The following CNTN6 variants were observed in gnomAD, a reference collection of about 807,000 sequenced individuals.
CNTN6 encodes contactin 6, also known as contactin-6.
In CNTN6, 137 loss-of-function variants were observed where a neutral mutation model predicts 122.8. That is an observed-to-expected ratio of 1.12 (90% CI 0.97 to 1.29). The LOEUF is 1.29. CNTN6 is among the 50% of genes most tolerant of loss of function. CNTN6 has a pLI of 0.00. For missense variants in CNTN6, 1,634 were observed against 1,223.4 expected (o/e 1.34, Z -5.01); for synonymous variants, 570 against 426.0 (o/e 1.34, Z -4.16).
intron 7 of CNTN6, among the ~76,000 whole-genome samples, chr3:1,299,396 T>G (rs1696823595): frequency 6.6e-6 from 1 of 152,156 alleles, no homozygotes; most frequent in Non-Finnish European, 1.5e-5. Context: ...AATAGCTTAT[T>G]TAATCATATT....
chr3:1,177,588 C>T (rs1469444378), intron 2 of CNTN6, among the ~76,000 whole-genome samples: 1 of 152,044 alleles, frequency 6.6e-6, no homozygotes, highest in Admixed American at 6.6e-5. Flanking sequence ...ACAATGTAAT[C>T]TCTGAATTTT....
chr3:1,142,085 G>A (rs1393752845), intron 1 of CNTN6, among the ~76,000 whole-genome samples: 2 of 152,026 alleles, frequency 1.3e-5, no homozygotes, highest in African/African-American at 4.8e-5. Flanking sequence ...GAATTTTCCT[G>A]ATGCCTGAGG....
intron 2 of CNTN6, among the ~76,000 whole-genome samples, chr3:1,176,867 C>A (rs2093460665): frequency 6.6e-6 from 1 of 152,084 alleles, no homozygotes. Flanking sequence ...CTCTAAATAT[C>A]ACTCCACAGA....
At chr3:1,114,735 T>G (rs74941923) in intron 1 of CNTN6, among the ~76,000 whole-genome samples, 1 of 151,900 alleles carries the variant, frequency 6.6e-6, no homozygotes, top group Non-Finnish European at 1.5e-5. Flanking sequence ...AGCAAAGACA[T>G]TTTTTTTGCT....
At chr3:1,195,560 A>G (rs181748455) in intron 2 of CNTN6, among the ~76,000 whole-genome samples, 3 of 152,180 alleles carry the variant, frequency 2.0e-5, no homozygotes, top group Admixed American at 1.3e-4. Context: ...TTTTACTTTT[A>G]CTTTTCTTTT....
At chr3:1,111,712 A>G (rs956960792) in intron 1 of CNTN6, among the ~76,000 whole-genome samples, 1 of 152,144 alleles carries the variant, frequency 6.6e-6, no homozygotes, top group African/African-American at 2.4e-5. Flanking sequence ...TATTTCTTTC[A>G]ATATCATATA....
chr3:1,403,493 C>A lies in CNTN6; in HGVS notation c.*75C>A. On this transcript the variant is annotated 3_prime_UTR_variant, in exon 23 of 23. Transcript: ENST00000446702. The stretch of plus-strand genomic sequence containing the variant: ...TATATATGCTCTCCAGCCTCTGACA[C>A]AAGATGCGTTCTTAATACAGACTTG... 4 of 842,634 alleles carry A rather than the reference C, an allele frequency of 4.7e-6. No homozygotes were observed. The highest frequency in any genetic ancestry group is 1.7e-5 in the South Asian group (1 of 60,510). 52.2% of individuals were successfully genotyped at this position (842,634 alleles called of 1,614,324 possible). A position where few individuals can be genotyped will look rare whatever the true frequency, so the allele number is the denominator to read the frequency against.
At chr3:1,103,858 A>G (rs902003496) in intron 1 of CNTN6, among the ~76,000 whole-genome samples, 1 of 152,164 alleles carries the variant, frequency 6.6e-6, no homozygotes, top group Non-Finnish European at 1.5e-5. Context: ...GTCTTTGAGT[A>G]TTAGCCCCCG....
At chr3:1,332,513 A>AGGAAGGAGGGAG (rs1702442597) in intron 11 of CNTN6, among the ~76,000 whole-genome samples, 2 of 109,266 alleles carry the variant, frequency 1.8e-5, no homozygotes, top group Non-Finnish European at 3.7e-5. Context: ...GAAGGAAGGA[A>AGGAAGGAGGGAG]GGAAGGAAGG....
At chr3:1,316,676 TTC>T (rs1183522714) in intron 7 of CNTN6, among the ~76,000 whole-genome samples, 1 of 151,938 alleles carries the variant, frequency 6.6e-6, no homozygotes, top group Non-Finnish European at 1.5e-5. Flanking sequence ...AGAGCCACAT[TTC>T]TCTCTTTACT....
chr3:1,376,756 T>C (rs1396850795), intron 16 of CNTN6, among the ~76,000 whole-genome samples: 2 of 152,160 alleles, frequency 1.3e-5, no homozygotes, highest in African/African-American at 4.8e-5. Flanking sequence ...CATAATGATG[T>C]CAAATACCCG....
intron 1 of CNTN6, 67 bp downstream of exon 1, chr3:1,093,187 G>A (rs1271584388): frequency 4.9e-6 from 1 of 202,352 alleles, no homozygotes; most frequent in Non-Finnish European, 1.0e-5. Flanking sequence ...GCAAGCTGCA[G>A]CTTTTCTTCC....
intron 12 of CNTN6, among the ~76,000 whole-genome samples, chr3:1,364,746 G>A (rs961321481): frequency 6.6e-5 from 10 of 151,834 alleles, no homozygotes; most frequent in African/African-American, 1.4e-4. Context: ...TGGGGTCCCC[G>A]TAACTAAAAT....
rs1284311692 is a variant in CNTN6, at chr3:1,245,227, T to C, written c.358+17234T>C. Among the ~76,000 whole-genome samples, 69 of 12,502 alleles carry C rather than the reference T, an allele frequency of 5.5e-3. 1 individual carries two copies. Among genetic ancestry groups the C allele is most frequent in the South Asian group, 8.1e-3 (3 of 370 alleles). 8.2% of individuals were successfully genotyped at this position (12,502 alleles called of 152,430 possible). On this transcript the variant is annotated intron_variant, in intron 4 of 22. Coordinates refer to ENST00000446702, the MANE Select transcript of CNTN6 (RefSeq NM_001289080.2). ...ATATATATATATATATATATATATA[T>C]ATATATATACACACACACATATATA...
intron 1 of CNTN6, among the ~76,000 whole-genome samples, chr3:1,106,081 T>C (rs1408567383): frequency 6.6e-6 from 1 of 152,146 alleles, no homozygotes; most frequent in Non-Finnish European, 1.5e-5. Context: ...GGAGGTAATC[T>C]ATATTGTGGG....
At chr3:1,288,922 T>C (rs1575568841) in intron 5 of CNTN6, among the ~76,000 whole-genome samples, 1 of 152,262 alleles carries the variant, frequency 6.6e-6, no homozygotes. Context: ...TTTCTAATAA[T>C]AATAAAATTG....
rs1161761565 is a variant in CNTN6 at position 1,372,437 on chromosome 3, TAAAAA to T, written c.1634_1638del (p.Lys545ArgfsTer6). The T allele has an allele frequency of 1.2e-6, 2 of 1,611,288 alleles. No individual in the cohort carries two copies. Among genetic ancestry groups the T allele is most frequent in the Non-Finnish European group, 1.7e-6 (2 of 1,178,992 alleles). On this transcript the variant is annotated frameshift_variant, in exon 13 of 23. Transcript: ENST00000446702. LOFTEE classifies it high-confidence loss of function. ...TTTTTCAATGGAGATGTCATAGACT[TAAAAA>T]AAGGAGTGGCTCATTTTGAAAGGAT...
Position 1,126,006 on chromosome 3 carries a change from C to T in CNTN6, c.-82-21921C>T, listed in dbSNP as rs563879956. On this transcript the variant is annotated intron_variant, in intron 1 of 22. Coordinates refer to ENST00000446702, the MANE Select transcript of CNTN6 (RefSeq NM_001289080.2). ...TTCAAATTGTATTCTCTCTTTCCAC[C>T]GTTAACTATACCCCAAAACACGCTA... 4.6e-5 allele frequency among the ~76,000 whole-genome samples: 7 copies of T among 151,910 alleles called. No homozygotes were observed. The South Asian group carries it at 1.5e-3, about 32-fold the overall frequency.
intron 7 of CNTN6, among the ~76,000 whole-genome samples, chr3:1,305,755 T>A (rs894853609): frequency 3.9e-5 from 6 of 152,186 alleles, no homozygotes; most frequent in African/African-American, 1.4e-4. Context: ...CGTTCCTGTG[T>A]GTTCTGAAGC....
Sources: allele counts gnomAD v4.1 joint callset (sites outside exome capture counted in the v4.1 genomes callset), GRCh38; gene constraint gnomAD v4.1.1; transcripts MANE v1.5; gene names NCBI Gene and HGNC (gene_info 2026-07-23, HGNC 2026-07-21).